ABR: variants seen among roughly 807,000 people sequenced by gnomAD.
The protein encoded by ABR is active breakpoint cluster region-related protein.
ABR carries 35 observed loss-of-function variants against 107.2 expected under a neutral mutation model. That is an observed-to-expected ratio of 0.33 (90% CI 0.25 to 0.43). The LOEUF (loss-of-function observed/expected upper bound fraction) is 0.43. ABR is among the 20% of genes least tolerant of loss of function. The pLI is 1.00. For missense variants in ABR, 815 were observed against 1,115.2 expected (o/e 0.73, Z 3.83); for synonymous variants, 498 against 462.0 (o/e 1.08, Z -1.00).
At chr17:1,040,640 A>AC (rs1376673442) in intron 16 of ABR, among the ~76,000 whole-genome samples, 1 of 152,088 alleles carries the variant, frequency 6.6e-6, no homozygotes, top group African/African-American at 2.4e-5. Flanking sequence ...GACAAGTGAC[A>AC]CCCAGAACCA....
chr17:1,135,369 CTTTTTGTCTTT>C (rs1463924339), intron 1 of ABR, among the ~76,000 whole-genome samples: 29 of 109,598 alleles, frequency 2.6e-4, no homozygotes, highest in African/African-American at 7.3e-4. Flanking sequence ...TATTCTTTTT[CTTTTTGTCTTT>C]TTTTTTTTTT....
chr17:1,096,831 G>A (rs2037479491), intron 3 of ABR, among the ~76,000 whole-genome samples: 2 of 148,010 alleles, frequency 1.4e-5, no homozygotes, highest in South Asian at 2.2e-4. Flanking sequence ...CTGGGGAAGG[G>A]GGGAAACCTG....
Position 1,214,035 on chromosome 17 carries a change from C to G in ABR, c.838+14758G>C, listed in dbSNP as rs896686643. Among the ~76,000 whole-genome samples the G allele has an allele frequency of 3.2e-4, 48 of 151,236 alleles. 1 individual carries two copies. Among genetic ancestry groups the G allele is most frequent in the African/African-American group, 1.1e-3 (46 of 41,104 alleles). On this transcript the variant is annotated intron_variant, in intron 1 of 22. Coordinates refer to the ABR transcript ENST00000574139. ...CCCGAGTAGCTGGGATTACAGGCGC[C>G]CGCCACCACGCCCGGCTAATTTTGT...
chr17:1,166,618 T>C (rs1206904302), intron 1 of ABR, among the ~76,000 whole-genome samples: 6 of 152,084 alleles, frequency 3.9e-5, no homozygotes, highest in African/African-American at 1.4e-4. Flanking sequence ...AGGAGGGAGC[T>C]ACGAAGGCTT....
intron 2 of ABR, among the ~76,000 whole-genome samples, chr17:1,104,813 G>T (rs2038134509): frequency 6.6e-6 from 1 of 152,134 alleles, no homozygotes; most frequent in Non-Finnish European, 1.5e-5. Context: ...AATTCCAGTG[G>T]CCCCTCTCTC....
chr17:1,067,247 A>G lies in ABR; in HGVS notation c.1017-5T>C, dbSNP rs376303095. On this transcript the variant is annotated splice_polypyrimidine_tract_variant and splice_region_variant and intron_variant, in intron 9 of 22. Transcript: ENST00000302538. ...CAGTCATACTGCTGGTGCTTCCTGC[A>G]AACGAGCCAGAGGGAGCCATGAGCC... 1.3e-6 allele frequency: 2 copies of G among 1,575,180 alleles called. No homozygotes were observed. The highest frequency in any genetic ancestry group is 4.5e-5 in the East Asian group (2 of 44,098).
At chr17:1,077,876 G>A (rs1414386010) in intron 6 of ABR, among the ~76,000 whole-genome samples, 4 of 152,156 alleles carry the variant, frequency 2.6e-5, no homozygotes, top group Non-Finnish European at 5.9e-5. Context: ...GGAGCCACAC[G>A]TGCCCACCCC....
intron 2 of ABR, chr17:1,109,137 G>A: frequency 1.3e-6 from 2 of 1,507,566 alleles, no homozygotes; most frequent in Non-Finnish European, 1.8e-6. Context: ...GGAGGGAGGA[G>A]GGAGGAGGCG....
At position 1,178,423 on chromosome 17, in the gene ABR, G is replaced by C. The variant is rs961467961; in HGVS notation, c.61+1244C>G. On this transcript the variant is annotated intron_variant, in intron 1 of 22. Transcript: ENST00000302538. ...ACTAAAAATACAAAAAATTAGCCGA[G>C]AGTGGTGGTGGGTACCTGTAATCCC... Among the ~76,000 whole-genome samples the C allele has an allele frequency of 2.6e-5, 4 of 152,096 alleles. 1 individual carries two copies. Among genetic ancestry groups the C allele is most frequent in the African/African-American group, 9.7e-5 (4 of 41,412 alleles).
chr17:1,128,116 C>T (rs936111087), intron 1 of ABR, among the ~76,000 whole-genome samples: 1 of 152,172 alleles, frequency 6.6e-6, no homozygotes, highest in African/African-American at 2.4e-5. Flanking sequence ...CCAGGGGCGG[C>T]GAAAGGGCTC....
At chr17:1,038,795 T>C (rs1361739841) in intron 16 of ABR, among the ~76,000 whole-genome samples, 1 of 152,164 alleles carries the variant, frequency 6.6e-6, no homozygotes, top group African/African-American at 2.4e-5. Flanking sequence ...CAGCCCTAAC[T>C]CAAGAAATTC....
intron 1 of ABR, among the ~76,000 whole-genome samples, chr17:1,203,429 C>CACGGGG (rs2042718699): frequency 3.3e-4 from 2 of 6,070 alleles, no homozygotes; most frequent in East Asian, 0.017. Context: ...GGGCGGGGCC[C>CACGGGG]GCGGGGACGG....
intron 1 of ABR, among the ~76,000 whole-genome samples, chr17:1,196,855 C>T (rs1479622532): frequency 6.6e-6 from 1 of 151,964 alleles, no homozygotes; most frequent in East Asian, 2.0e-4. Flanking sequence ...CCACCGTGCC[C>T]GGCTAATTTT....
Position 1,152,928 on chromosome 17 carries a change from A to G in ABR, c.61+26739T>C, listed in dbSNP as rs138820050. On this transcript the variant is annotated intron_variant, in intron 1 of 22. Coordinates refer to ENST00000302538, the MANE Select transcript of ABR (RefSeq NM_021962.5). ...GGCCAACACAGTGAAACCTGTCTCT[A>G]CTGACAATACAAAATTAGCCAGGCA... is the stretch of plus-strand genomic sequence containing the variant. 6.9e-3 allele frequency among the ~76,000 whole-genome samples: 1,053 copies of G among 152,112 alleles called. 11 individuals carry two copies. Among genetic ancestry groups the G allele is most frequent in the South Asian group, 0.023 (113 of 4,826 alleles).
chr17:1,059,947 A>G (rs2033735660), intron 10 of ABR, among the ~76,000 whole-genome samples: 1 of 152,146 alleles, frequency 6.6e-6, no homozygotes, highest in South Asian at 2.1e-4. Context: ...AATTAAGCGC[A>G]CACTCACCCT....
Position 1,012,809 on chromosome 17 carries a change from G to C in ABR, c.1852-12C>G. ...AATTCCACTTTGATCTGGTTGGGGG[G>C]TGAGGCAGGTAAAGATTCCCCAGGG... On this transcript the variant is annotated splice_polypyrimidine_tract_variant and intron_variant, in intron 17 of 22. Transcript: ENST00000302538. 6.4e-7 allele frequency: 1 copy of C among 1,560,268 alleles called. No homozygotes were observed. The highest frequency in any genetic ancestry group is 8.7e-7 in the Non-Finnish European group (1 of 1,148,600).
At chr17:1,059,408 A>C (rs1313651760) in intron 10 of ABR, among the ~76,000 whole-genome samples, 1 of 152,142 alleles carries the variant, frequency 6.6e-6, no homozygotes, top group African/African-American at 2.4e-5. Context: ...AACCCTAAAT[A>C]ATACAAATAT....
rs1279970194 is a variant in ABR, at chr17:1,092,078, G to C, written c.346-228C>G. 6.6e-6 allele frequency among the ~76,000 whole-genome samples: 1 copy of C among 152,060 alleles called. No homozygotes were observed. The highest frequency in any genetic ancestry group is 1.5e-5 in the Non-Finnish European group (1 of 67,992). ...CTGGCCTGGCAGCTGTGCCAGGCCC[G>C]AGGGGTGGTGCCTGGGCTCACTCCC... On this transcript the variant is annotated intron_variant, in intron 3 of 22. Coordinates refer to ENST00000302538, the MANE Select transcript of ABR (RefSeq NM_021962.5). The surrounding 1 kb of genome is among the most constrained non-coding windows in gnomAD (Gnocchi z 4.6).
Position 1,100,675 on chromosome 17 carries a change from C to A in ABR, c.307G>T (p.Glu103Ter). The A allele has an allele frequency of 1.9e-6, 3 of 1,613,780 alleles. No individual in the cohort carries two copies. Among genetic ancestry groups the A allele is most frequent in the Non-Finnish European group, 2.5e-6 (3 of 1,179,922 alleles). ...KLVLSGFLAS[E>*]EIYINQLEAL... The stretch of plus-strand genomic sequence containing the variant: ...TCCAGCTGGTTAATGTAGATCTCTT[C>A]GCTGGCCAAGAACCCCGAGAGAACC... The change falls in exon 3 of 23, where the codon GAA becomes TAA. Residue 103 changes from glutamate to a stop codon, truncating the protein, a stop_gained. Transcript: ENST00000302538. LOFTEE classifies it high-confidence loss of function.
Sources: allele counts gnomAD v4.1 joint callset (sites outside exome capture counted in the v4.1 genomes callset), GRCh38; gene constraint gnomAD v4.1.1; non-coding constraint Gnocchi (gnomAD v3.1); transcripts MANE v1.5; gene names NCBI Gene and HGNC (gene_info 2026-07-23, HGNC 2026-07-21).